Variants in CASK observed in about 807,000 individuals in gnomAD.
CASK encodes calcium/calmodulin dependent serine protein kinase, also known as peripheral plasma membrane protein CASK.
CASK carries 4 observed loss-of-function variants against 82.9 expected under a neutral mutation model. That is an observed-to-expected ratio of 0.05 (90% CI 0.02 to 0.11). The LOEUF is 0.11. CASK is among the 10% of genes least tolerant of loss of function. The probability of loss-of-function intolerance (pLI) is 1.00; values close to 1 mark genes in which losing one functional copy is unlikely to be tolerated. For missense variants in CASK, 358 were observed against 720.9 expected, an observed-to-expected ratio of 0.50 and a Z score of 5.76; for synonymous variants, 259 against 253.5, an observed-to-expected ratio of 1.02 and a Z score of -0.20.
At chrX:41,579,987 G>A (rs763235258) in intron 14 of CASK, among the ~76,000 whole-genome samples, 40 of 111,684 alleles carry the variant, frequency 3.6e-4, no homozygotes, top group Non-Finnish European at 1.5e-4. Flanking sequence ...GGATTTGGGT[G>A]AGGAGCACCA....
intron 22 of CASK, among the ~76,000 whole-genome samples, chrX:41,541,445 C>T (rs755250674): frequency 8.9e-6 from 1 of 111,992 alleles, no homozygotes; most frequent in South Asian, 3.7e-4. Flanking sequence ...TTATTTCTTC[C>T]CTTCATAAAA....
intron 6 of CASK, among the ~76,000 whole-genome samples, chrX:41,667,468 T>G (rs1187995690): frequency 8.9e-6 from 1 of 112,286 alleles, no homozygotes; most frequent in African/African-American, 3.2e-5. Context: ...TGGACAAATA[T>G]TTAAATATTA....
intron 2 of CASK, among the ~76,000 whole-genome samples, chrX:41,797,209 CCT>C (rs780140729): frequency 3.7e-5 from 4 of 109,076 alleles, no homozygotes; most frequent in Non-Finnish European, 7.6e-5. Flanking sequence ...CTTCAGCCTC[CCT>C]GACCCCAATC....
intron 1 of CASK, among the ~76,000 whole-genome samples, chrX:41,861,860 G>C (rs1407129522): frequency 1.0e-5 from 1 of 97,427 alleles, no homozygotes; most frequent in Non-Finnish European, 2.0e-5. Context: ...ATAATATATA[G>C]TATAATATAC....
rs147722039 is a variant in CASK, at chrX:41,727,795, C to T, written c.429+11589G>A. On this transcript the variant is annotated intron_variant, in intron 5 of 26. Transcript: ENST00000378163. Reference sequence around the variant, plus strand: ...AAGACATCTTTTGGTCATCCAGATTCTACTAATAGTTTGCTTCCTTCCTTA... The same window carrying T: ...AAGACATCTTTTGGTCATCCAGATTTTACTAATAGTTTGCTTCCTTCCTTA... The T allele has an allele frequency of 3.7e-4, 442 of 1,201,085 alleles. 1 individual carries two copies. Among genetic ancestry groups the T allele is most frequent in the African/African-American group, 2.2e-3 (123 of 57,172 alleles).
intron 15 of CASK, among the ~76,000 whole-genome samples, chrX:41,572,346 T>C (rs1421575378): frequency 1.8e-5 from 2 of 111,005 alleles, no homozygotes; most frequent in Non-Finnish European, 3.8e-5. Context: ...ATATATATTC[T>C]TGCTATTTGA....
intron 1 of CASK, among the ~76,000 whole-genome samples, chrX:41,881,320 C>T (rs1305210320): frequency 8.9e-6 from 1 of 111,766 alleles, no homozygotes; most frequent in Non-Finnish European, 1.9e-5. Flanking sequence ...GTTTGAAAGA[C>T]AGCTCTACTC....
chrX:41,625,873 G>A (rs1321843054), intron 10 of CASK, among the ~76,000 whole-genome samples: 1 of 107,318 alleles, frequency 9.3e-6, no homozygotes, highest in Non-Finnish European at 1.9e-5. Flanking sequence ...TCCGCCTCCC[G>A]GGTCAAGTGA....
At chrX:41,805,852 G>T (rs750175347) in intron 2 of CASK, among the ~76,000 whole-genome samples, 1 of 111,145 alleles carries the variant, frequency 9.0e-6, no homozygotes, top group East Asian at 2.8e-4. Context: ...TCAGACTCAG[G>T]ACCCTGAGAG....
intron 5 of CASK, among the ~76,000 whole-genome samples, chrX:41,713,124 G>A (rs908330673): frequency 1.8e-5 from 2 of 111,973 alleles, no homozygotes; most frequent in African/African-American, 6.5e-5. Flanking sequence ...CTAGACAGCG[G>A]GCAAGATGAA....
intron 2 of CASK, among the ~76,000 whole-genome samples, chrX:41,850,924 G>A (rs1013329454): frequency 8.9e-6 from 1 of 111,750 alleles, no homozygotes; most frequent in East Asian, 2.8e-4. Context: ...GTGTGAACAT[G>A]AGCAACAGAG....
intron 5 of CASK, among the ~76,000 whole-genome samples, chrX:41,680,102 A>G (rs2067325642): frequency 9.1e-6 from 1 of 109,393 alleles, no homozygotes; most frequent in African/African-American, 3.3e-5. Flanking sequence ...CGAGAGGCTG[A>G]GGCAGTAGCT....
intron 6 of CASK, among the ~76,000 whole-genome samples, chrX:41,666,585 T>C (rs2067121441): frequency 8.9e-6 from 1 of 112,254 alleles, no homozygotes; most frequent in Admixed American, 9.4e-5. Context: ...GTTCTGTTCA[T>C]GATTATGAAA....
At chrX:41,690,345 T>TAA (rs11430225) in intron 5 of CASK, among the ~76,000 whole-genome samples, 44 of 104,128 alleles carry the variant, frequency 4.2e-4, no homozygotes, top group East Asian at 1.6e-3. Flanking sequence ...GATTTTTAAT[T>TAA]AAAAAAAAAA....
rs191952960 is a variant in CASK, at chrX:41,554,721, T to G, written c.1843-806A>C. The stretch of plus-strand genomic sequence containing the variant: ...TGAATTATTTTATTTTTTAAATGCT[T>G]TAAGATAAGGTAATTCATACCCAAT... On this transcript the variant is annotated intron_variant, in intron 20 of 26. Coordinates refer to ENST00000378163, the MANE Select transcript of CASK (RefSeq NM_001367721.1). Among the ~76,000 whole-genome samples the G allele has an allele frequency of 2.3e-3, 258 of 111,673 alleles. 1 individual carries two copies. The highest frequency in any genetic ancestry group is 0.011 in the South Asian group (29 of 2,733).
At chrX:41,563,606 C>A (rs765034190) in intron 16 of CASK, among the ~76,000 whole-genome samples, 1 of 109,698 alleles carries the variant, frequency 9.1e-6, no homozygotes, top group African/African-American at 3.3e-5. Flanking sequence ...TAGAAATGAA[C>A]AGGGGCATAA....
chrX:41,569,535 A>G (rs758517831), intron 16 of CASK, 133 bp downstream of exon 16: 81 of 464,762 alleles, frequency 1.7e-4, no homozygotes, highest in Non-Finnish European at 2.7e-4. Flanking sequence ...TGCACTTAGG[A>G]GCTCAAGACC....
At chrX:41,810,117 T>C (rs1413698249) in intron 2 of CASK, among the ~76,000 whole-genome samples, 1 of 112,254 alleles carries the variant, frequency 8.9e-6, no homozygotes, top group Non-Finnish European at 1.9e-5. Context: ...GTCTGATTGG[T>C]GTACCTGAAA....
At chrX:41,921,241 G>A (rs1203924240) in intron 1 of CASK, among the ~76,000 whole-genome samples, 1 of 112,323 alleles carries the variant, frequency 8.9e-6, no homozygotes, top group Non-Finnish European at 1.9e-5. Flanking sequence ...CAAATTTTAT[G>A]AAACCTAAAT....
Sources: allele counts gnomAD v4.1 joint callset (sites outside exome capture counted in the v4.1 genomes callset), GRCh38; gene constraint gnomAD v4.1.1; transcripts MANE v1.5; gene names NCBI Gene and HGNC (gene_info 2026-07-23, HGNC 2026-07-21).